FAM20B: variants seen among roughly 807,000 people sequenced by gnomAD.
FAM20B encodes the protein glycosaminoglycan xylosylkinase.
Under a neutral mutation model 43.8 loss-of-function variants are expected in FAM20B, and 23 were observed. The ratio of observed to expected loss-of-function variants is 0.53; its 90% CI spans 0.38 to 0.74. The LOEUF is 0.74. Among genes scored for constraint, FAM20B ranks in the 30% least tolerant of loss-of-function variants. FAM20B has a pLI of 0.00. For synonymous variants in FAM20B, 178 were observed against 192.4 expected (o/e 0.93, Z 0.62); for missense variants, 440 against 510.5 (o/e 0.86, Z 1.33).
intron 1 of FAM20B, among the ~76,000 whole-genome samples, chr1:179,040,248 C>T (rs1039248178): frequency 2.6e-5 from 4 of 152,252 alleles, no homozygotes; most frequent in African/African-American, 7.2e-5. Context: ...AGCCGTTGGG[C>T]ACACCTCCCA....
intron 2 of FAM20B, 111 bp from the exon 3 acceptor site, chr1:179,050,168 A>G: frequency 5.8e-6 from 4 of 689,042 alleles, no homozygotes; most frequent in South Asian, 1.8e-5. Flanking sequence ...TTGACAGAGA[A>G]GGTGACTATA....
intron 2 of FAM20B, among the ~76,000 whole-genome samples, chr1:179,045,268 T>G (rs1557871517): frequency 6.6e-6 from 1 of 152,266 alleles, no homozygotes; most frequent in Non-Finnish European, 1.5e-5. Context: ...GTGATTTGTA[T>G]TCTTTTGCCG....
chr1:179,050,146 T>A (rs1194226932), intron 2 of FAM20B, 133 bp from the exon 3 acceptor site: 1 of 596,986 alleles, frequency 1.7e-6, no homozygotes, highest in Non-Finnish European at 3.1e-6. Context: ...TAATCCACAG[T>A]TGTTTGCAGG....
At chr1:179,041,327 C>T (rs1357815279) in intron 1 of FAM20B, among the ~76,000 whole-genome samples, 4 of 152,120 alleles carry the variant, frequency 2.6e-5, no homozygotes, top group Non-Finnish European at 4.4e-5. Flanking sequence ...GAGGTTGTAG[C>T]GAGCCGAGAT....
intron 1 of FAM20B, chr1:179,035,387 C>T: frequency 1.4e-6 from 1 of 708,802 alleles, no homozygotes; most frequent in East Asian, 2.7e-5. Context: ...TCGTGGGCTT[C>T]ATGAGATTGA....
At chr1:179,026,556 G>A (rs1245334653) in intron 1 of FAM20B, among the ~76,000 whole-genome samples, 3 of 152,164 alleles carry the variant, frequency 2.0e-5, no homozygotes, top group Non-Finnish European at 4.4e-5. Flanking sequence ...GCGCGCCCTC[G>A]CGGGGTCTTT....
chr1:179,042,293 C>T (rs1445233131), intron 1 of FAM20B, among the ~76,000 whole-genome samples: 4 of 152,248 alleles, frequency 2.6e-5, no homozygotes, highest in Admixed American at 6.5e-5. Flanking sequence ...CAGCCACGCA[C>T]GCTGGGGCTG....
intron 1 of FAM20B, among the ~76,000 whole-genome samples, chr1:179,026,627 G>A (rs1649796665): frequency 6.6e-6 from 1 of 152,224 alleles, no homozygotes; most frequent in African/African-American, 2.4e-5. Flanking sequence ...CGGAAGGCGG[G>A]GCAACCGTGC....
At chr1:179,046,648 A>G (rs923716731) in intron 2 of FAM20B, among the ~76,000 whole-genome samples, 36 of 150,720 alleles carry the variant, frequency 2.4e-4, no homozygotes, top group African/African-American at 8.8e-4. Context: ...GCAAAACTCC[A>G]TCTCAAAAAC....
chr1:179,033,318 G>A (rs1282277286), intron 1 of FAM20B, among the ~76,000 whole-genome samples: 1 of 152,250 alleles, frequency 6.6e-6, no homozygotes, highest in South Asian at 2.1e-4. Flanking sequence ...TCTTCTTGTG[G>A]TACCTTTAAG....
Position 179,044,008 on chromosome 1 carries a change from C to G in FAM20B, c.161C>G (p.Pro54Arg), listed in dbSNP as rs753735977. 5 of 1,614,014 alleles carry G rather than the reference C, an allele frequency of 3.1e-6. No individual in the cohort carries two copies. The highest frequency in any genetic ancestry group is 4.2e-6 in the Non-Finnish European group (5 of 1,180,018). The part of the protein sequence containing the change: ...MMTGLRVELA[P>R]KLDHTLQSPW... ...ACTGGCTTGCGGGTGGAGCTGGCAC[C>G]CAAGCTGGACCATACCTTGCAGTCT... Residue 54 changes from proline (P) to arginine (R), a missense_variant, in exon 2 of 8, where the codon CCC (proline) becomes CGC (arginine). By Grantham distance (103) the Pro-to-Arg change is moderately radical (BLOSUM62 -2). Coordinates refer to ENST00000263733, the MANE Select transcript of FAM20B (RefSeq NM_014864.4).
chr1:179,061,737 G>A (rs775519354), intron 4 of FAM20B, among the ~76,000 whole-genome samples: 3 of 151,948 alleles, frequency 2.0e-5, no homozygotes, highest in African/African-American at 4.8e-5. Context: ...TCATTCTATC[G>A]TTGCTTCTAG....
At chr1:179,037,196 C>G (rs574225433) in intron 1 of FAM20B, among the ~76,000 whole-genome samples, 1 of 152,162 alleles carries the variant, frequency 6.6e-6, no homozygotes, top group African/African-American at 2.4e-5. Context: ...CCTGGAGGCT[C>G]AGGCATCAGT....
At chr1:179,051,077 G>A (rs866300881) in intron 3 of FAM20B, among the ~76,000 whole-genome samples, 16 of 151,076 alleles carry the variant, frequency 1.1e-4, no homozygotes, top group South Asian at 2.1e-4. Context: ...AGCCGAGATC[G>A]TGCCACTGCA....
At chr1:179,023,780 C>T (rs1038678113), upstream of FAM20B, among the ~76,000 whole-genome samples, 1 of 152,190 alleles carries the variant, frequency 6.6e-6, no homozygotes, top group African/African-American at 2.4e-5. Flanking sequence ...TTTTCCTGGA[C>T]TGTGATTCTT....
At chr1:179,051,037 G>A (rs888751247) in intron 3 of FAM20B, among the ~76,000 whole-genome samples, 2 of 151,434 alleles carry the variant, frequency 1.3e-5, no homozygotes, top group African/African-American at 4.9e-5. Context: ...CAGGAGAATC[G>A]CTTGAACCCA....
At chr1:179,055,621 G>A (rs1651183137) in intron 4 of FAM20B, among the ~76,000 whole-genome samples, 1 of 152,136 alleles carries the variant, frequency 6.6e-6, no homozygotes, top group South Asian at 2.1e-4. Flanking sequence ...TAGCAAGCAT[G>A]AATTCCTGGT....
chr1:179,063,833 T>A, intron 4 of FAM20B, 94 bp from the exon 5 acceptor site: 1 of 816,996 alleles, frequency 1.2e-6, no homozygotes, highest in South Asian at 2.1e-5. Flanking sequence ...TCACCATGCT[T>A]ATTTACTTAG....
rs1225593131 is a variant in FAM20B, at chr1:179,074,362, T to G, written c.*2218T>G. 6.6e-6 allele frequency: 1 copy of G among 152,620 alleles called. No homozygotes were observed. The highest frequency in any genetic ancestry group is 2.4e-5 in the African/African-American group (1 of 41,426). The allele number at this position is 152,620 out of a possible 1,614,324, so 9.5% of individuals were successfully genotyped here. On this transcript the variant is annotated 3_prime_UTR_variant, in exon 8 of 8. Coordinates refer to ENST00000263733, the MANE Select transcript of FAM20B (RefSeq NM_014864.4). ...CCTTGGTTAGTGCTCACCCACAAGC[T>G]TCCAGGAGCCAGCTGGGAGGAGACA...
Sources: gnomAD v4.1 joint callset for allele counts (sites outside exome capture counted in the v4.1 genomes callset) on GRCh38, gnomAD v4.1.1 for gene constraint, MANE v1.5 for transcripts, NCBI Gene and HGNC (gene_info 2026-07-23, HGNC 2026-07-21) for gene names.